ERCC5: variants seen among roughly 807,000 people sequenced by gnomAD.
ERCC5 encodes ERCC excision repair 5, endonuclease.
In ERCC5, 68 loss-of-function variants were observed where a neutral mutation model predicts 105.6. That is an observed-to-expected ratio of 0.64 (90% CI 0.53 to 0.79). ERCC5 has a LOEUF of 0.79. Among genes scored for constraint, ERCC5 ranks in the 30% least tolerant of loss-of-function variants. The pLI is 0.00. For synonymous variants in ERCC5, 546 were observed against 526.2 expected, an observed-to-expected ratio of 1.04 and a Z score of -0.51; for missense variants, 1,373 against 1,426.7, an observed-to-expected ratio of 0.96 and a Z score of 0.61.
At chr13:102,854,563 G>A (rs1882335062) in intron 4 of ERCC5, among the ~76,000 whole-genome samples, 189 bp downstream of exon 4, 1 of 152,102 alleles carries the variant, frequency 6.6e-6, no homozygotes, top group South Asian at 2.1e-4. Context: ...TTGTGTTTTG[G>A]TGATTCATGA....
At chr13:102,858,814 A>G in intron 6 of ERCC5, 1 of 440,544 alleles carries the variant, frequency 2.3e-6, no homozygotes, top group South Asian at 1.6e-5. Flanking sequence ...TAGGTCATAA[A>G]AGTTATTGTA....
rs377635739 is a variant in ERCC5 at position 102,848,716 on chromosome 13, G to A, written c.88+2362G>A. Reference sequence around the variant, plus strand: ...TGCGTATATAAACTTACTGAAATTAGACAAGTCAAATTATACAAATATTTT... The same window carrying A: ...TGCGTATATAAACTTACTGAAATTAAACAAGTCAAATTATACAAATATTTT... On this transcript the variant is annotated intron_variant, in intron 1 of 14. Coordinates refer to ENST00000652225, the MANE Select transcript of ERCC5 (RefSeq NM_000123.4). 1.4e-3 allele frequency among the ~76,000 whole-genome samples: 210 copies of A among 152,206 alleles called. 1 individual carries two copies. Among genetic ancestry groups the A allele is most frequent in the African/African-American group, 4.9e-3 (203 of 41,522 alleles).
At chr13:102,874,565 A>G (rs1883133805) in intron 14 of ERCC5, among the ~76,000 whole-genome samples, 1 of 151,800 alleles carries the variant, frequency 6.6e-6, no homozygotes, top group Non-Finnish European at 1.5e-5. Flanking sequence ...TCTGTCTCCC[A>G]GGCTGGAGTG....
In ERCC5 at chr13:102,866,725, G is replaced by A. The variant is rs899478069; in HGVS notation, c.2413G>A (p.Gly805Arg). The change falls in exon 11 of 15, where the codon GGA (glycine) becomes AGA (arginine). Residue 805 changes from glycine to arginine, a missense_variant. Around this residue, in one of 3 missense-constraint regions of ERCC5, gnomAD observed 1,004 missense variants for 1,059.7 expected, o/e 0.95. Transcript: ENST00000652225. ...CCTGGACCTGACTGATCAGACTTCC[G>A]GAACCATCACTGATGACAGTGATAT... ...AILDLTDQTS[G>R]TITDDSDIWL... 8.7e-6 allele frequency: 14 copies of A among 1,614,146 alleles called. No individual in the cohort carries two copies. The highest frequency in any genetic ancestry group is 5.5e-5 in the South Asian group (5 of 91,092).
At chr13:102,858,834 A>G in intron 6 of ERCC5, 2 of 453,066 alleles carry the variant, frequency 4.4e-6, no homozygotes, top group Non-Finnish European at 8.9e-6. Flanking sequence ...AACCTATAAT[A>G]TACATTGTCT....
intron 5 of ERCC5, 64 bp from the exon 6 acceptor site, chr13:102,858,211 A>C (rs2140523011): frequency 6.2e-7 from 1 of 1,601,742 alleles, no homozygotes; most frequent in South Asian, 1.1e-5. Flanking sequence ...ACATATCCTT[A>C]ATGTTGAATA....
chr13:102,873,158 G>A, intron 13 of ERCC5, 101 bp from the exon 14 acceptor site: 1 of 1,388,778 alleles, frequency 7.2e-7, no homozygotes, highest in East Asian at 2.3e-5. Flanking sequence ...AAAATCTTAG[G>A]AGATACAGGG....
intron 1 of ERCC5, chr13:102,849,288 A>G: frequency 1.9e-6 from 1 of 518,424 alleles, no homozygotes; most frequent in Non-Finnish European, 3.9e-6. Context: ...GTTTCCTTAT[A>G]ATCTGTTCTT....
At chr13:102,866,539 T>G in intron 10 of ERCC5, 93 bp from the exon 11 acceptor site, 1 of 1,598,950 alleles carries the variant, frequency 6.3e-7, no homozygotes, top group Non-Finnish European at 8.5e-7. Context: ...CAGGAATGAA[T>G]GCATTACATG....
Position 102,868,203 on chromosome 13 carries a change from T to A in ERCC5, c.2624T>A (p.Met875Lys). 6.2e-7 allele frequency: 1 copy of A among 1,614,224 alleles called. No homozygotes were observed. ...CCAACTGTGGGTTGTGTAACCGCCA[T>A]GGAAATTCTCAATGAATTCCCTGGG... ...GIPTVGCVTA[M>K]EILNEFPGHG... Residue 875 changes from methionine to lysine, a missense_variant, in exon 12 of 15, where the codon ATG becomes AAG. Transcript: ENST00000652225.
intron 11 of ERCC5, 100 bp downstream of exon 11, chr13:102,866,945 A>G: frequency 7.4e-7 from 1 of 1,345,576 alleles, no homozygotes; most frequent in Non-Finnish European, 1.0e-6. Context: ...GCATTGATGG[A>G]AATTGCAGGT....
intron 4 of ERCC5, among the ~76,000 whole-genome samples, chr13:102,855,178 A>G (rs1440791489): frequency 3.3e-5 from 5 of 151,986 alleles, no homozygotes; most frequent in Admixed American, 3.3e-4. Flanking sequence ...GTTTTGTGTT[A>G]TAGTCTGTTT....
rs1224579297 is a variant in ERCC5 at position 102,862,446 on chromosome 13, A to T, written c.1297A>T (p.Lys433Ter). ...CACCGAGAACAGTGATGAAGGACTT[A>T]AAGTGAGAGATGGAAAAGGAATACC... ...SSTENSDEGL[K>*]VRDGKGIPFT... Residue 433 changes from lysine (K) to a stop codon, truncating the protein, a stop_gained, in exon 8 of 15, where the codon AAA becomes TAA. Transcript: ENST00000652225. LOFTEE classifies it high-confidence loss of function. The T allele has an allele frequency of 1.2e-6, 2 of 1,614,176 alleles. No individual in the cohort carries two copies. The highest frequency in any genetic ancestry group is 4.5e-5 in the East Asian group (2 of 44,890).
chr13:102,854,263 G>C (rs1180175485), intron 3 of ERCC5, 25 bp from the exon 4 acceptor site: 3 of 1,613,300 alleles, frequency 1.9e-6, no homozygotes, highest in Non-Finnish European at 2.5e-6. Flanking sequence ...TGCATAATCT[G>C]TTTAAAGATT....
intron 14 of ERCC5, among the ~76,000 whole-genome samples, chr13:102,874,404 A>G (rs1021719356): frequency 1.3e-5 from 2 of 152,220 alleles, no homozygotes; most frequent in East Asian, 1.9e-4. Flanking sequence ...TTAATTCCAG[A>G]TGACTAGATT....
intron 14 of ERCC5, among the ~76,000 whole-genome samples, chr13:102,874,455 T>C (rs1338579415): frequency 6.6e-6 from 1 of 152,252 alleles, no homozygotes; most frequent in African/African-American, 2.4e-5. Flanking sequence ...TTCAGTTTAC[T>C]TGTTAGACCT....
In ERCC5 at chr13:102,866,366, G is replaced by A. The variant is rs757289895; in HGVS notation, c.2304G>A (p.Met768Ile). ...TCGCTGCTACTGTCACCGGACAGAT[G>A]TTCCTGGAAAGCCAGGTGGGTGCAG... ...ERIAATVTGQ[M>I]FLESQELLRL... The change falls in exon 10 of 15, where the codon ATG becomes ATA. Residue 768 changes from methionine to isoleucine, a missense_variant. Coordinates refer to ENST00000652225, the MANE Select transcript of ERCC5 (RefSeq NM_000123.4). 1 of 1,614,144 alleles carries A rather than the reference G, an allele frequency of 6.2e-7. No individual in the cohort carries two copies.
At position 102,861,566 on chromosome 13, in the gene ERCC5, C is replaced by T. The variant is rs1882618722; in HGVS notation, c.732C>T (p.Asn244=). The part of the protein sequence containing the change: ...LKGLLKKNYL[N]QHIEHVQKEM... ...GCTTGCTTAAAAAGAACTATCTGAA[C>T]CAGCATATAGAACATGTCCAAAAGG... Residue 244 remains asparagine (N), a synonymous_variant, in exon 7 of 15, where the codon AAC becomes AAT. Transcript: ENST00000652225. The T allele has an allele frequency of 6.2e-7, 1 of 1,613,944 alleles. No individual in the cohort carries two copies. Among genetic ancestry groups the T allele is most frequent in the South Asian group, 1.1e-5 (1 of 91,080 alleles).
intron 4 of ERCC5, among the ~76,000 whole-genome samples, chr13:102,855,559 C>G (rs1323796174): frequency 2.6e-5 from 4 of 152,194 alleles, no homozygotes; most frequent in African/African-American, 9.7e-5. Context: ...CTTAGCTTCT[C>G]ATTTCTTTAG....
Sources: gnomAD v4.1 joint callset for allele counts (sites outside exome capture counted in the v4.1 genomes callset) on GRCh38, gnomAD v4.1.1 for gene constraint, gnomAD v4.1.1 regional missense constraint, MANE v1.5 for transcripts, NCBI Gene and HGNC (gene_info 2026-07-23, HGNC 2026-07-21) for gene names.